Variants in DSCAML1 observed in about 807,000 individuals in gnomAD.
DSCAML1 encodes the protein cell adhesion molecule DSCAML1.
Under a neutral mutation model 200.5 loss-of-function variants are expected in DSCAML1, and 38 were observed. The ratio of observed to expected loss-of-function variants is 0.19; its 90% CI spans 0.15 to 0.25. The LOEUF (loss-of-function observed/expected upper bound fraction) is 0.25, where lower values mean the gene tolerates loss of function less well. DSCAML1 is among the 10% of genes least tolerant of loss of function. DSCAML1 has a pLI of 1.00. For synonymous variants in DSCAML1, 1,215 were observed against 1,165.0 expected (o/e 1.04, Z -0.87); for missense variants, 2,223 against 2,858.8 (o/e 0.78, Z 5.07).
chr11:117,765,729 A>C (rs901987177), intron 3 of DSCAML1, among the ~76,000 whole-genome samples: 5 of 152,260 alleles, frequency 3.3e-5, no homozygotes, highest in African/African-American at 7.2e-5. Context: ...AGAAAATGAA[A>C]GTACCTGATT....
At chr11:117,501,060 C>T (rs759291102) in intron 11 of DSCAML1, among the ~76,000 whole-genome samples, 20 of 152,194 alleles carry the variant, frequency 1.3e-4, no homozygotes, top group South Asian at 2.1e-4. Context: ...TGAGGGATGA[C>T]GAGGAATGGT....
Position 117,718,686 on chromosome 11 carries a change from C to T in DSCAML1, c.511+58105G>A, listed in dbSNP as rs528601599. Among the ~76,000 whole-genome samples, 140 of 134,430 alleles carry T rather than the reference C, an allele frequency of 1.0e-3. 3 individuals carry two copies. Among genetic ancestry groups the T allele is most frequent in the Non-Finnish European group, 2.0e-3 (128 of 62,774 alleles). 88.2% of individuals were successfully genotyped at this position (134,430 alleles called of 152,430 possible). A position where few individuals can be genotyped will look rare whatever the true frequency, so the allele number is the denominator to read the frequency against. On this transcript the variant is annotated intron_variant, in intron 3 of 32. Coordinates refer to ENST00000651296, the MANE Select transcript of DSCAML1 (RefSeq NM_020693.4). ...ACTCAAAACCCCCCCCCCCCCCCATCATATGAGACCTTTAAAAAATCCTCT... is the reference window on the plus strand; with the variant it reads ...ACTCAAAACCCCCCCCCCCCCCCATTATATGAGACCTTTAAAAAATCCTCT...
chr11:117,532,293 C>T (rs1483950352), intron 4 of DSCAML1, 83 bp downstream of exon 4: 19 of 1,427,876 alleles, frequency 1.3e-5, no homozygotes, highest in Non-Finnish European at 1.4e-5. Context: ...CCTCCATCTG[C>T]GGTGGGGCGT....
intron 1 of DSCAML1, among the ~76,000 whole-genome samples, chr11:117,806,358 T>C (rs1199482851): frequency 6.6e-6 from 1 of 152,144 alleles, no homozygotes; most frequent in East Asian, 1.9e-4. Context: ...TGTCTACCCA[T>C]CTGAGACACC....
intron 19 of DSCAML1, among the ~76,000 whole-genome samples, chr11:117,452,956 A>C (rs759424480): frequency 4.0e-5 from 6 of 151,776 alleles, no homozygotes; most frequent in South Asian, 2.1e-4. Context: ...TTTGAGACAG[A>C]CTCTCACTCT....
At chr11:117,499,693 G>A (rs1431333313) in intron 11 of DSCAML1, among the ~76,000 whole-genome samples, 2 of 152,200 alleles carry the variant, frequency 1.3e-5, no homozygotes, top group African/African-American at 4.8e-5. Flanking sequence ...ACATGCAGGC[G>A]GCGATGCTGG....
At chr11:117,783,367 A>G (rs2055296422) in intron 1 of DSCAML1, among the ~76,000 whole-genome samples, 1 of 152,162 alleles carries the variant, frequency 6.6e-6, no homozygotes, top group South Asian at 2.1e-4. Context: ...ACAAGGAGGA[A>G]TTCAGGAATT....
chr11:117,604,502 A>T (rs1170188883), intron 3 of DSCAML1, among the ~76,000 whole-genome samples: 1 of 152,074 alleles, frequency 6.6e-6, no homozygotes, highest in Non-Finnish European at 1.5e-5. Flanking sequence ...CCCTGCTCAT[A>T]AATAATGAAC....
At chr11:117,803,407 ATTATG>A (rs1226775389) in intron 1 of DSCAML1, among the ~76,000 whole-genome samples, 2 of 152,116 alleles carry the variant, frequency 1.3e-5, no homozygotes, top group African/African-American at 2.4e-5. Context: ...TAATACAAAT[ATTATG>A]TTATCTGTCT....
chr11:117,603,036 C>T (rs993481197), intron 3 of DSCAML1, among the ~76,000 whole-genome samples: 6 of 152,162 alleles, frequency 3.9e-5, no homozygotes, highest in African/African-American at 9.7e-5. Context: ...GCAGAGGTTG[C>T]AGTGAGCCAT....
chr11:117,486,797 TG>T (rs2049078302), intron 11 of DSCAML1, among the ~76,000 whole-genome samples: 2 of 146,918 alleles, frequency 1.4e-5, no homozygotes, highest in Non-Finnish European at 3.0e-5. Flanking sequence ...GCTGGCCACA[TG>T]GGGCTAATGG....
intron 3 of DSCAML1, among the ~76,000 whole-genome samples, chr11:117,674,032 G>T (rs545172865): frequency 5.3e-4 from 80 of 152,294 alleles, no homozygotes; most frequent in Non-Finnish European, 1.0e-3. Flanking sequence ...TTCCTGTGGT[G>T]GGTTTCCCTC....
At chr11:117,433,875 AG>A (rs1312203239) in intron 27 of DSCAML1, among the ~76,000 whole-genome samples, 1 of 152,184 alleles carries the variant, frequency 6.6e-6, no homozygotes, top group Admixed American at 6.5e-5. Flanking sequence ...GATGTAGTAG[AG>A]GTGGTCAATG....
chr11:117,635,573 G>C (rs1164950223), intron 3 of DSCAML1, among the ~76,000 whole-genome samples: 1 of 151,642 alleles, frequency 6.6e-6, no homozygotes, highest in Non-Finnish European at 1.5e-5. Context: ...AATAATATTC[G>C]TTGAGGAGGG....
chr11:117,658,251 T>A (rs2052772687), intron 3 of DSCAML1, among the ~76,000 whole-genome samples: 1 of 152,160 alleles, frequency 6.6e-6, no homozygotes, highest in Non-Finnish European at 1.5e-5. Flanking sequence ...ATGCTACACA[T>A]TCATCAGAGG....
At chr11:117,485,064 G>A (rs1212966862) in intron 11 of DSCAML1, among the ~76,000 whole-genome samples, 1 of 152,048 alleles carries the variant, frequency 6.6e-6, no homozygotes, top group Admixed American at 6.6e-5. Context: ...AATTACAAAG[G>A]CAACCCCACC....
intron 3 of DSCAML1, among the ~76,000 whole-genome samples, chr11:117,718,491 G>A (rs1399335687): frequency 1.3e-5 from 2 of 152,188 alleles, no homozygotes; most frequent in Non-Finnish European, 2.9e-5. Flanking sequence ...CTGAGGGTGA[G>A]GGGGCTGTGC....
intron 11 of DSCAML1, among the ~76,000 whole-genome samples, chr11:117,485,794 A>G (rs1445078055): frequency 6.6e-6 from 1 of 152,242 alleles, no homozygotes; most frequent in African/African-American, 2.4e-5. Flanking sequence ...CTGAAGACAG[A>G]CTGTGGTACT....
chr11:117,536,455 G>GA (rs1302305016), intron 3 of DSCAML1, among the ~76,000 whole-genome samples: 2 of 152,214 alleles, frequency 1.3e-5, no homozygotes, highest in Non-Finnish European at 2.9e-5. Flanking sequence ...TCCCACGGGA[G>GA]AAGGAAAAAA....
Sources: allele counts gnomAD v4.1 joint callset (sites outside exome capture counted in the v4.1 genomes callset), GRCh38; gene constraint gnomAD v4.1.1; transcripts MANE v1.5; gene names NCBI Gene and HGNC (gene_info 2026-07-23, HGNC 2026-07-21).